The following ARHGAP24 variants were observed in gnomAD, a reference collection of about 807,000 sequenced individuals.
ARHGAP24 encodes Rho GTPase activating protein 24, also known as rho GTPase-activating protein 24.
Under a neutral mutation model 76.4 loss-of-function variants are expected in ARHGAP24, and 50 were observed. That is an observed-to-expected ratio of 0.65 (90% CI 0.52 to 0.83). The LOEUF (loss-of-function observed/expected upper bound fraction) is 0.83, where lower values mean the gene tolerates loss of function less well. Ranked by LOEUF, ARHGAP24 falls within the 40% of genes least tolerant of loss-of-function variation. ARHGAP24 has a pLI of 0.00. For synonymous variants in ARHGAP24, 345 were observed against 323.3 expected, an observed-to-expected ratio of 1.07 and a Z score of -0.72; for missense variants, 930 against 914.2, an observed-to-expected ratio of 1.02 and a Z score of -0.22.
chr4:85,950,052 C>T (rs766777719), intron 5 of ARHGAP24, among the ~76,000 whole-genome samples: 6 of 152,064 alleles, frequency 3.9e-5, no homozygotes, highest in Non-Finnish European at 4.4e-5. Flanking sequence ...TTCTTGAGGA[C>T]GTAACATTTG....
At chr4:85,553,160 A>G (rs1177095848) in intron 1 of ARHGAP24, among the ~76,000 whole-genome samples, 1 of 152,122 alleles carries the variant, frequency 6.6e-6, no homozygotes, top group Non-Finnish European at 1.5e-5. Context: ...CGCTGGCTTC[A>G]GGAGTGAAGC....
At chr4:85,484,151 A>T (rs1169101132) in intron 1 of ARHGAP24, among the ~76,000 whole-genome samples, 1 of 152,168 alleles carries the variant, frequency 6.6e-6, no homozygotes, top group African/African-American at 2.4e-5. Context: ...GGTAAGTCCC[A>T]CAGAAGTCCA....
chr4:85,972,804 T>A (rs1739066773), intron 6 of ARHGAP24, among the ~76,000 whole-genome samples: 1 of 152,216 alleles, frequency 6.6e-6, no homozygotes, highest in Non-Finnish European at 1.5e-5. Flanking sequence ...GATTTGCCTA[T>A]TCTGGACATT....
At chr4:85,477,312 T>G (rs1722638120) in intron 1 of ARHGAP24, among the ~76,000 whole-genome samples, 1 of 152,168 alleles carries the variant, frequency 6.6e-6, no homozygotes, top group African/African-American at 2.4e-5. Context: ...TGAGATGAGG[T>G]GGTTTCTCTG....
chr4:85,538,486 T>C (rs544597561), intron 1 of ARHGAP24, among the ~76,000 whole-genome samples: 1 of 152,252 alleles, frequency 6.6e-6, no homozygotes, highest in East Asian at 1.9e-4. Context: ...ACTATACTTA[T>C]TATGGTGTGC....
At chr4:85,526,818 A>T (rs4693702) in intron 1 of ARHGAP24, among the ~76,000 whole-genome samples, 66,957 of 151,930 alleles carry the variant, frequency 0.44, 16,373 homozygotes, top group East Asian at 0.84. Flanking sequence ...AAAAATTCTA[A>T]CATCTCTGAA....
intron 9 of ARHGAP24, among the ~76,000 whole-genome samples, chr4:85,997,774 G>C (rs548247050): frequency 6.6e-6 from 1 of 152,136 alleles, no homozygotes; most frequent in Admixed American, 6.5e-5. Context: ...TCCTGCCTCA[G>C]CCTCCTGAGT....
At chr4:85,898,676 A>C (rs1734328960) in intron 3 of ARHGAP24, among the ~76,000 whole-genome samples, 1 of 152,236 alleles carries the variant, frequency 6.6e-6, no homozygotes, top group South Asian at 2.1e-4. Context: ...TTCTCTTAAG[A>C]AAATAAAAAC....
chr4:85,489,025 A>G (rs928068904), intron 1 of ARHGAP24, among the ~76,000 whole-genome samples: 5 of 152,204 alleles, frequency 3.3e-5, no homozygotes, highest in Admixed American at 6.5e-5. Flanking sequence ...AATATTAATT[A>G]TGTTTGAACC....
chr4:85,848,862 G>A (rs1044521004), intron 3 of ARHGAP24, among the ~76,000 whole-genome samples: 1 of 152,186 alleles, frequency 6.6e-6, no homozygotes, highest in African/African-American at 2.4e-5. Context: ...TTGTAGTATA[G>A]TTTGAAGTCA....
intron 2 of ARHGAP24, among the ~76,000 whole-genome samples, chr4:85,693,510 A>G (rs930930192): frequency 6.6e-6 from 1 of 152,206 alleles, no homozygotes; most frequent in Admixed American, 6.5e-5. Context: ...CTCAAGCTGC[A>G]TGCTACAGCC....
At chr4:85,961,097 A>G (rs920701554) in intron 5 of ARHGAP24, among the ~76,000 whole-genome samples, 3 of 152,106 alleles carry the variant, frequency 2.0e-5, no homozygotes, top group Non-Finnish European at 4.4e-5. Context: ...TATAAGAAAC[A>G]TCTGACATGT....
Position 85,930,600 on chromosome 4 carries a change from C to T in ARHGAP24, c.391+6830C>T, listed in dbSNP as rs187369952. On this transcript the variant is annotated intron_variant, in intron 4 of 9. Transcript: ENST00000395184. ...AAAAAAATGCAAAAACCAATTCCTGCTGTTTGAATGGGAATGGTAGCTTGC... is the reference window on the plus strand; with the variant it reads ...AAAAAAATGCAAAAACCAATTCCTGTTGTTTGAATGGGAATGGTAGCTTGC... 3.1e-3 allele frequency: 3,224 copies of T among 1,047,000 alleles called. 10 individuals are homozygous for T. Among genetic ancestry groups the T allele is most frequent in the Admixed American group, 3.7e-3 (68 of 18,614 alleles). 64.9% of individuals were successfully genotyped at this position (1,047,000 alleles called of 1,614,324 possible).
At chr4:85,855,426 A>ACTG (rs59922209) in intron 3 of ARHGAP24, among the ~76,000 whole-genome samples, 1,636 of 152,222 alleles carry the variant, frequency 0.011, 34 homozygotes, top group African/African-American at 0.037. Flanking sequence ...GAATCTGATG[A>ACTG]CTGGGTGTGG....
rs767225029 is a variant in ARHGAP24, at chr4:86,000,548, G to A, written c.2073G>A (p.Arg691=). ...TCCATGATGAACTGGATCAGGAGAG[G>A]AAAAAGTTCACAATGATAGAAATAA... ...MSLHDELDQE[R]KKFTMIEIKM... Residue 691 remains arginine (R), a synonymous_variant, in exon 10 of 10, where the codon AGG becomes AGA. Transcript: ENST00000395184. 1 of 1,610,848 alleles carries A rather than the reference G, an allele frequency of 6.2e-7. No homozygotes were observed. Among genetic ancestry groups the A allele is most frequent in the Non-Finnish European group, 8.5e-7 (1 of 1,179,334 alleles).
rs1272463284 is a variant in ARHGAP24, at chr4:86,001,675, A to G, written c.*953A>G. The G allele has an allele frequency of 2.7e-6, 1 of 373,056 alleles. No individual in the cohort carries two copies. Among genetic ancestry groups the G allele is most frequent in the Admixed American group, 4.5e-5 (1 of 21,996 alleles). 23.1% of individuals were successfully genotyped at this position (373,056 alleles called of 1,614,324 possible). On this transcript the variant is annotated 3_prime_UTR_variant, in exon 10 of 10. Coordinates refer to ENST00000395184, the MANE Select transcript of ARHGAP24 (RefSeq NM_001025616.3). ...CCACTCAAACCTCTCCCATCTCCCA[A>G]CAACTGCACTTTAGAATACCAGCAG...
chr4:85,902,254 A>G (rs1382607772), intron 3 of ARHGAP24, among the ~76,000 whole-genome samples: 1 of 152,174 alleles, frequency 6.6e-6, no homozygotes, highest in Non-Finnish European at 1.5e-5. Context: ...ATGTCAAACC[A>G]CCATTGTGGT....
intron 2 of ARHGAP24, among the ~76,000 whole-genome samples, chr4:85,625,503 A>G (rs1424708530): frequency 6.6e-6 from 1 of 152,078 alleles, no homozygotes; most frequent in African/African-American, 2.4e-5. Context: ...TATGTGGTCA[A>G]TTTTGGAGTA....
intron 2 of ARHGAP24, among the ~76,000 whole-genome samples, chr4:85,720,815 G>C (rs996362633): frequency 1.4e-5 from 2 of 139,654 alleles, no homozygotes; most frequent in Non-Finnish European, 1.5e-5. Context: ...ACAAAGGAAA[G>C]AAGGTGCTTC....
Sources: allele counts gnomAD v4.1 joint callset (sites outside exome capture counted in the v4.1 genomes callset), GRCh38; gene constraint gnomAD v4.1.1; transcripts MANE v1.5; gene names NCBI Gene and HGNC (gene_info 2026-07-23, HGNC 2026-07-21).